GASK1A: variants seen among roughly 807,000 people sequenced by gnomAD.
GASK1A encodes Golgi-associated kinase 1A.
Under a neutral mutation model 41.2 loss-of-function variants are expected in GASK1A, and 40 were observed. That is an observed-to-expected ratio of 0.97 (90% CI 0.75 to 1.27). The LOEUF is 1.27. Ranked by LOEUF, GASK1A falls within the 50% of genes most tolerant of loss-of-function variation. GASK1A has a pLI of 0.00. For missense variants in GASK1A, 678 were observed against 745.1 expected, an observed-to-expected ratio of 0.91 and a Z score of 1.05; for synonymous variants, 316 against 307.1, an observed-to-expected ratio of 1.03 and a Z score of -0.30.
intron 2 of GASK1A, among the ~76,000 whole-genome samples, chr3:43,047,099 TG>T: frequency 6.6e-6 from 1 of 152,206 alleles, no homozygotes. Flanking sequence ...GAGTTCCCAG[TG>T]GGGCTGCCTG....
chr3:43,015,898 A>T (rs1413255209), intron 1 of GASK1A, among the ~76,000 whole-genome samples: 1 of 151,486 alleles, frequency 6.6e-6, no homozygotes, highest in East Asian at 2.0e-4. Context: ...GTAAAGCCAC[A>T]GGGAGGGGCA....
intron 1 of GASK1A, among the ~76,000 whole-genome samples, chr3:42,997,441 G>GC (rs1162418889): frequency 3.7e-5 from 5 of 135,738 alleles, no homozygotes; most frequent in Non-Finnish European, 6.7e-5. Context: ...AGAGAGAGGG[G>GC]GGGGGGATCT....
intron 2 of GASK1A, among the ~76,000 whole-genome samples, chr3:43,046,768 A>G (rs834189): frequency 0.74 from 112,937 of 152,028 alleles, 43,146 homozygotes; most frequent in East Asian, 0.86. Context: ...TTGTGTGGGC[A>G]GGGCCCAGGA....
intron 1 of GASK1A, among the ~76,000 whole-genome samples, chr3:43,026,107 G>A (rs561484201): frequency 3.3e-5 from 5 of 152,128 alleles, no homozygotes; most frequent in East Asian, 1.9e-4. Context: ...ACCATCCCCC[G>A]CTTGTCTGCA....
At chr3:43,042,835 G>A (rs1226940813) in intron 2 of GASK1A, among the ~76,000 whole-genome samples, 1 of 152,182 alleles carries the variant, frequency 6.6e-6, no homozygotes, top group African/African-American at 2.4e-5. Context: ...GAGGCTTCTG[G>A]CCCTGGGCTT....
intron 1 of GASK1A, among the ~76,000 whole-genome samples, chr3:43,021,973 A>C (rs2089524712): frequency 6.6e-6 from 1 of 152,214 alleles, no homozygotes; most frequent in Non-Finnish European, 1.5e-5. Context: ...CCACACAGTG[A>C]AGGTAACTCC....
At chr3:43,025,571 G>A (rs1401786157) in intron 1 of GASK1A, among the ~76,000 whole-genome samples, 1 of 152,202 alleles carries the variant, frequency 6.6e-6, no homozygotes, top group Non-Finnish European at 1.5e-5. Context: ...TTCAAGGGTG[G>A]TCTTTCCAGA....
At chr3:43,014,978 C>CACAGGAAGGG (rs1163675259) in intron 1 of GASK1A, among the ~76,000 whole-genome samples, 23 of 151,006 alleles carry the variant, frequency 1.5e-4, no homozygotes, top group African/African-American at 4.6e-4. Context: ...AATTTGAGGT[C>CACAGGAAGGG]ACAGGAAGGG....
chr3:43,037,536 A>G (rs1337721413), intron 2 of GASK1A: 3 of 367,934 alleles, frequency 8.2e-6, no homozygotes, highest in Non-Finnish European at 1.5e-5. Flanking sequence ...AGTTATGTAC[A>G]TTTTGTCCTT....
chr3:43,007,024 G>T lies in GASK1A; in HGVS notation c.4-25243G>T, dbSNP rs368594759. Reference sequence around the variant, plus strand: ...ATAGTCATAGGAGAGCAGGTGAGAGGCACAGCACTGCCAAGTGGTGAAGCT... The same window carrying T: ...ATAGTCATAGGAGAGCAGGTGAGAGTCACAGCACTGCCAAGTGGTGAAGCT... On this transcript the variant is annotated intron_variant, in intron 1 of 4. Transcript: ENST00000430121. Among the ~76,000 whole-genome samples the T allele has an allele frequency of 1.2e-3, 179 of 152,244 alleles. 3 individuals carry two copies. In the South Asian group the frequency reaches 0.035, roughly 30 times the overall value.
At chr3:43,047,834 C>G (rs1000784027) in intron 2 of GASK1A, among the ~76,000 whole-genome samples, 1 of 152,188 alleles carries the variant, frequency 6.6e-6, no homozygotes. Context: ...TCCACCCAAC[C>G]TGCCCTTCCT....
At chr3:43,030,855 G>T (rs756304744) in intron 1 of GASK1A, among the ~76,000 whole-genome samples, 1 of 152,160 alleles carries the variant, frequency 6.6e-6, no homozygotes, top group African/African-American at 2.4e-5. Context: ...GTACTTTTGA[G>T]AGAAAGCAGG....
At chr3:43,049,317 A>G (rs1242322971) in intron 2 of GASK1A, among the ~76,000 whole-genome samples, 1 of 152,230 alleles carries the variant, frequency 6.6e-6, no homozygotes, top group Non-Finnish European at 1.5e-5. Flanking sequence ...GATATGTCAT[A>G]AAGTAAGCAT....
At chr3:42,996,136 A>G (rs1177082918) in intron 1 of GASK1A, among the ~76,000 whole-genome samples, 2 of 152,174 alleles carry the variant, frequency 1.3e-5, no homozygotes, top group African/African-American at 2.4e-5. Context: ...GACATAAGAG[A>G]CACTCCGTTG....
At chr3:43,029,925 G>A (rs1291892597) in intron 1 of GASK1A, among the ~76,000 whole-genome samples, 1 of 152,200 alleles carries the variant, frequency 6.6e-6, no homozygotes, top group Non-Finnish European at 1.5e-5. Flanking sequence ...CATGAGGGGC[G>A]GCATTCCTCC....
intron 1 of GASK1A, among the ~76,000 whole-genome samples, chr3:42,987,233 G>A (rs188399857): frequency 3.9e-5 from 6 of 152,324 alleles, no homozygotes; most frequent in East Asian, 1.9e-4. Context: ...GGCCGGGGTC[G>A]GGTCATACAA....
At position 43,047,350 on chromosome 3, in the gene GASK1A, T is replaced by C. The variant is rs560791162; in HGVS notation, c.1291-6171T>C. On this transcript the variant is annotated intron_variant, in intron 2 of 4. Transcript: ENST00000430121. Reference sequence around the variant, plus strand: ...GGTGGGATGATACTAGCTTTAGTGATTTAAAATGAACTCTCTAACCCTGTC... The same window carrying C: ...GGTGGGATGATACTAGCTTTAGTGACTTAAAATGAACTCTCTAACCCTGTC... 2.0e-5 allele frequency among the ~76,000 whole-genome samples: 3 copies of C among 152,342 alleles called. No homozygotes were observed. In the South Asian group the frequency reaches 6.2e-4, roughly 32 times the overall value.
intron 1 of GASK1A, among the ~76,000 whole-genome samples, chr3:43,001,811 G>C (rs2089410790): frequency 6.6e-6 from 1 of 152,116 alleles, no homozygotes; most frequent in South Asian, 2.1e-4. Context: ...TTTCTGAGGG[G>C]TAGGGAGGCT....
At chr3:42,989,181 A>C (rs2089328134) in intron 1 of GASK1A, among the ~76,000 whole-genome samples, 1 of 152,134 alleles carries the variant, frequency 6.6e-6, no homozygotes, top group Non-Finnish European at 1.5e-5. Context: ...CTTACTGGCC[A>C]GGTGGAAGGA....
Sources: allele counts gnomAD v4.1 joint callset (sites outside exome capture counted in the v4.1 genomes callset), GRCh38; gene constraint gnomAD v4.1.1; transcripts MANE v1.5; gene names NCBI Gene and HGNC (gene_info 2026-07-23, HGNC 2026-07-21).